The following NDUFAB1 variants were observed in gnomAD, a reference collection of about 807,000 sequenced individuals.
The protein encoded by NDUFAB1 is NADH:ubiquinone oxidoreductase subunit AB1.
A neutral mutation model predicts 16.1 loss-of-function variants in NDUFAB1; 5 were observed. That is an observed-to-expected ratio of 0.31 (90% confidence interval 0.16 to 0.65). The LOEUF (loss-of-function observed/expected upper bound fraction) is 0.65, where lower values mean the gene tolerates loss of function less well. NDUFAB1 is among the 30% of genes least tolerant of loss of function. The pLI, the probability that NDUFAB1 is intolerant of heterozygous loss-of-function variation, is 0.77. For synonymous variants in NDUFAB1, 85 were observed against 78.4 expected (o/e 1.08, Z -0.44); for missense variants, 187 against 205.3 (o/e 0.91, Z 0.54).
intron 4 of NDUFAB1, 123 bp downstream of exon 4, chr16:23,582,153 G>C: frequency 8.2e-7 from 1 of 1,224,714 alleles, no homozygotes; most frequent in South Asian, 1.9e-5. Flanking sequence ...GAAAGGGCTT[G>C]CATTTTATAA....
chr16:23,594,370 G>A (rs1288713758), intron 1 of NDUFAB1, among the ~76,000 whole-genome samples: 1 of 151,464 alleles, frequency 6.6e-6, no homozygotes, highest in African/African-American at 2.4e-5. Context: ...CGGGCTGGCT[G>A]GCTTATTTAA....
intron 1 of NDUFAB1, chr16:23,590,989 A>T (rs948745801): frequency 1.3e-5 from 2 of 151,858 alleles, no homozygotes; most frequent in African/African-American, 4.8e-5. Flanking sequence ...TACACACATC[A>T]TCTTTCTTCA....
At chr16:23,582,213 T>C in intron 4 of NDUFAB1, 63 bp downstream of exon 4, 1 of 1,364,680 alleles carries the variant, frequency 7.3e-7, no homozygotes. Context: ...TCTTCTTAAG[T>C]TTCCTTTATT....
chr16:23,582,409 TAAA>T, intron 3 of NDUFAB1, 34 bp from the exon 4 acceptor site: 2 of 1,227,832 alleles, frequency 1.6e-6, no homozygotes, highest in East Asian at 2.8e-5. Flanking sequence ...GTGAGAGAGT[TAAA>T]AAAAAAAAAT....
At chr16:23,585,310 T>C (rs1966223440) in intron 3 of NDUFAB1, 26 bp downstream of exon 3, 2 of 1,523,458 alleles carry the variant, frequency 1.3e-6, no homozygotes, top group Admixed American at 1.7e-5. Flanking sequence ...AAAATCGCAG[T>C]GTGTAGATAG....
At chr16:23,588,432 C>T (rs992268216) in intron 1 of NDUFAB1, among the ~76,000 whole-genome samples, 9 of 152,038 alleles carry the variant, frequency 5.9e-5, no homozygotes, top group Non-Finnish European at 1.0e-4. Context: ...CCAGCCTGGG[C>T]GACAAAGCAA....
At chr16:23,584,613 C>T (rs1316145469) in intron 3 of NDUFAB1, among the ~76,000 whole-genome samples, 1 of 152,086 alleles carries the variant, frequency 6.6e-6, no homozygotes, top group African/African-American at 2.4e-5. Flanking sequence ...ACTATTATCA[C>T]CCCCACTTTA....
intron 1 of NDUFAB1, chr16:23,595,299 G>T: frequency 3.4e-6 from 1 of 290,718 alleles, no homozygotes; most frequent in Non-Finnish European, 6.8e-6. Context: ...CGAAATCACT[G>T]CCTCCCGGCG....
intron 2 of NDUFAB1, among the ~76,000 whole-genome samples, chr16:23,586,985 A>G (rs1005602824): frequency 6.6e-6 from 1 of 152,240 alleles, no homozygotes; most frequent in African/African-American, 2.4e-5. Context: ...ATACATACAT[A>G]TAATATACAC....
At chr16:23,583,907 G>C (rs1385755584) in intron 3 of NDUFAB1, among the ~76,000 whole-genome samples, 1 of 152,020 alleles carries the variant, frequency 6.6e-6, no homozygotes, top group Non-Finnish European at 1.5e-5. Flanking sequence ...ATTTTGTTCT[G>C]TACTAAGAAA....
intron 3 of NDUFAB1, among the ~76,000 whole-genome samples, chr16:23,583,176 C>A (rs1272556339): frequency 6.6e-6 from 1 of 152,264 alleles, no homozygotes; most frequent in African/African-American, 2.4e-5. Context: ...ACAACCTCCA[C>A]CTCCCAGCTG....
intron 1 of NDUFAB1, 142 bp downstream of exon 1, chr16:23,595,981 A>T (rs1036271776): frequency 2.9e-6 from 3 of 1,023,038 alleles, no homozygotes; most frequent in Non-Finnish European, 4.1e-6. Context: ...AAACACCTTT[A>T]GGCAGCGGGG....
chr16:23,596,065 C>G (rs1322896093), intron 1 of NDUFAB1, 58 bp downstream of exon 1: 8 of 1,548,728 alleles, frequency 5.2e-6, no homozygotes, highest in Non-Finnish European at 7.0e-6. Flanking sequence ...CGGCCCCCAC[C>G]CCCACCGGGC....
At chr16:23,587,509 C>T (rs1966244174) in intron 1 of NDUFAB1, among the ~76,000 whole-genome samples, 190 bp from the exon 2 acceptor site, 1 of 152,236 alleles carries the variant, frequency 6.6e-6, no homozygotes, top group South Asian at 2.1e-4. Flanking sequence ...AACAGTTCAG[C>T]AGCATCTCAG....
At position 23,588,272 on chromosome 16, in the gene NDUFAB1, T is replaced by A. The variant is rs535718392; in HGVS notation, c.169-953A>T. 2.7e-5 allele frequency among the ~76,000 whole-genome samples: 4 copies of A among 147,428 alleles called. No homozygotes were observed. The East Asian group carries it at 8.0e-4, about 30-fold the overall frequency. ...GAGTTCGAGACCAGCCTGGCCAACA[T>A]GGTGAAACCCCGTCTCTACTAAAAA... On this transcript the variant is annotated intron_variant, in intron 1 of 4. Transcript: ENST00000007516.
At chr16:23,596,088 C>CCTTG in intron 1 of NDUFAB1, 35 bp downstream of exon 1, 1 of 1,596,912 alleles carries the variant, frequency 6.3e-7, no homozygotes, top group Non-Finnish European at 8.5e-7. Context: ...AATCCCTGAC[C>CCTTG]CTTGCCAAGC....
intron 3 of NDUFAB1, among the ~76,000 whole-genome samples, chr16:23,584,411 C>T (rs1966215920): frequency 1.3e-5 from 2 of 151,560 alleles, no homozygotes; most frequent in Non-Finnish European, 2.9e-5. Context: ...CTGTGTCTGG[C>T]TTCTTTCACT....
intron 3 of NDUFAB1, 120 bp from the exon 4 acceptor site, chr16:23,582,495 C>A (rs1304586609): frequency 1.5e-6 from 2 of 1,315,154 alleles, no homozygotes; most frequent in Non-Finnish European, 9.8e-7. Flanking sequence ...AACCTTGAAT[C>A]CCATATAGGT....
intron 1 of NDUFAB1, among the ~76,000 whole-genome samples, chr16:23,588,983 A>G (rs1278090809): frequency 1.3e-5 from 2 of 152,092 alleles, no homozygotes; most frequent in African/African-American, 2.4e-5. Flanking sequence ...TCAAAAAAGA[A>G]AAGAAAAAGA....
Sources: allele counts gnomAD v4.1 joint callset (sites outside exome capture counted in the v4.1 genomes callset), GRCh38; gene constraint gnomAD v4.1.1; transcripts MANE v1.5; gene names NCBI Gene and HGNC (gene_info 2026-07-23, HGNC 2026-07-21).